The following ROR1 variants were observed in gnomAD, a reference collection of about 807,000 sequenced individuals.
ROR1 encodes inactive tyrosine-protein kinase transmembrane receptor ROR1.
In ROR1, 19 loss-of-function variants were observed where a neutral mutation model predicts 78.8. The observed-to-expected ratio is 0.24, with a 90% CI of 0.17 to 0.35. The LOEUF (loss-of-function observed/expected upper bound fraction) is 0.35, where lower values mean the gene tolerates loss of function less well. Ranked by LOEUF, ROR1 falls within the 10% of genes least tolerant of loss-of-function variation. The pLI is 1.00. For synonymous variants in ROR1, 386 were observed against 433.6 expected, an observed-to-expected ratio of 0.89 and a Z score of 1.36; for missense variants, 917 against 1,177.8, an observed-to-expected ratio of 0.78 and a Z score of 3.24.
At chr1:63,815,175 A>G (rs1279930369) in intron 1 of ROR1, among the ~76,000 whole-genome samples, 1 of 152,192 alleles carries the variant, frequency 6.6e-6, no homozygotes, top group Non-Finnish European at 1.5e-5. Flanking sequence ...CAACAGCCCT[A>G]GTTCCCCCAG....
intron 1 of ROR1, among the ~76,000 whole-genome samples, chr1:63,784,510 C>A (rs1343520663): frequency 6.6e-6 from 1 of 152,176 alleles, no homozygotes; most frequent in Non-Finnish European, 1.5e-5. Context: ...GGACCTGGCT[C>A]TGGGATTTCT....
intron 2 of ROR1, among the ~76,000 whole-genome samples, chr1:64,016,899 G>A (rs1323049827): frequency 7.9e-5 from 12 of 151,454 alleles, no homozygotes; most frequent in East Asian, 7.7e-4. Flanking sequence ...GTTAAAAGGC[G>A]AAAAACACAT....
chr1:64,142,522 C>G lies in ROR1; in HGVS notation c.1046C>G (p.Ala349Gly), dbSNP rs201706633. 6.0e-5 allele frequency: 97 copies of G among 1,614,074 alleles called. No homozygotes were observed. Among genetic ancestry groups the G allele is most frequent in the Non-Finnish European group, 7.5e-5 (89 of 1,180,032 alleles). Residue 349 changes from alanine (A) to glycine (G), a missense_variant, in exon 7 of 9, where the codon GCC becomes GGC. Ala to Gly is a moderately conservative substitution (Grantham distance 60). Around this residue, in one of 3 missense-constraint regions of ROR1, gnomAD observed 835 missense variants for 1,069.8 expected, o/e 0.78. Coordinates refer to ENST00000371079, the MANE Select transcript of ROR1 (RefSeq NM_005012.4). ...SQYPHTHTFT[A>G]LRFPELNGGH... ...TATCCCCACACACACACTTTCACCG[C>G]CCTTCGTTTCCCAGAGCTGAATGGA...
chr1:63,935,639 G>C (rs1319376653), intron 1 of ROR1, among the ~76,000 whole-genome samples: 1 of 152,174 alleles, frequency 6.6e-6, no homozygotes, highest in South Asian at 2.1e-4. Flanking sequence ...AGGAAACCAA[G>C]ACTATATTTA....
At chr1:63,854,409 G>T (rs957944855) in intron 1 of ROR1, among the ~76,000 whole-genome samples, 3 of 152,140 alleles carry the variant, frequency 2.0e-5, no homozygotes, top group Non-Finnish European at 4.4e-5. Context: ...TCCATGGTAG[G>T]TAGACTTTTC....
intron 1 of ROR1, among the ~76,000 whole-genome samples, chr1:63,909,454 C>G (rs1440737630): frequency 2.6e-5 from 4 of 152,180 alleles, no homozygotes; most frequent in Non-Finnish European, 5.9e-5. Flanking sequence ...TGAAGCCACT[C>G]TGTGCCTCTC....
chr1:64,007,963 T>A (rs1192131428), intron 1 of ROR1, among the ~76,000 whole-genome samples: 1 of 151,788 alleles, frequency 6.6e-6, no homozygotes, highest in Non-Finnish European at 1.5e-5. Flanking sequence ...GTTCTTTTTT[T>A]TTTTTTTTTG....
At chr1:63,991,099 T>TTTTTG (rs59788094) in intron 1 of ROR1, among the ~76,000 whole-genome samples, 1 of 150,768 alleles carries the variant, frequency 6.6e-6, no homozygotes, top group African/African-American at 2.4e-5. Context: ...GTTTGTTTGT[T>TTTTTG]TTTTGTTTTG....
At chr1:64,071,564 C>T (rs994533581) in intron 4 of ROR1, among the ~76,000 whole-genome samples, 40 of 151,878 alleles carry the variant, frequency 2.6e-4, no homozygotes, top group Non-Finnish European at 4.6e-4. Context: ...CACTCCCCCC[C>T]GCCCCACCAC....
chr1:64,133,854 G>T (rs947946792), intron 4 of ROR1, among the ~76,000 whole-genome samples: 3 of 152,222 alleles, frequency 2.0e-5, no homozygotes, highest in Non-Finnish European at 4.4e-5. Flanking sequence ...TGAAAGAAGT[G>T]TGAGCTGGAA....
intron 8 of ROR1, among the ~76,000 whole-genome samples, chr1:64,163,996 T>G (rs1422513739): frequency 1.3e-5 from 2 of 152,126 alleles, no homozygotes; most frequent in Non-Finnish European, 2.9e-5. Flanking sequence ...CCCCTTTAAT[T>G]TCTCTGGAGC....
chr1:64,107,427 A>G (rs1224770146), intron 4 of ROR1, among the ~76,000 whole-genome samples: 1 of 152,180 alleles, frequency 6.6e-6, no homozygotes, highest in African/African-American at 2.4e-5. Flanking sequence ...AAAAAGCTTT[A>G]TGTGCTTCAG....
chr1:64,114,232 G>A (rs1024450225), intron 4 of ROR1, among the ~76,000 whole-genome samples: 3 of 152,156 alleles, frequency 2.0e-5, no homozygotes, highest in Admixed American at 1.3e-4. Context: ...CCATCTCAAC[G>A]TGCAACATGA....
chr1:63,941,590 G>A (rs1645840866), intron 1 of ROR1, among the ~76,000 whole-genome samples: 1 of 152,164 alleles, frequency 6.6e-6, no homozygotes, highest in African/African-American at 2.4e-5. Context: ...CTTTCAAGTG[G>A]GGATAACATA....
intron 1 of ROR1, among the ~76,000 whole-genome samples, chr1:63,896,114 CA>C (rs991018369): frequency 2.0e-5 from 3 of 151,984 alleles, no homozygotes; most frequent in African/African-American, 7.2e-5. Flanking sequence ...CCTCCTTAAC[CA>C]AAAAAGCCAC....
intron 1 of ROR1, among the ~76,000 whole-genome samples, chr1:63,912,876 G>T (rs1344523903): frequency 6.6e-6 from 1 of 152,192 alleles, no homozygotes; most frequent in Non-Finnish European, 1.5e-5. Flanking sequence ...CTTTATCTTA[G>T]TTGGGATTAA....
intron 4 of ROR1, among the ~76,000 whole-genome samples, chr1:64,098,083 C>G (rs969181961): frequency 6.6e-6 from 1 of 152,150 alleles, no homozygotes; most frequent in Non-Finnish European, 1.5e-5. Context: ...ATTTCTGCCA[C>G]TCGACAGGAA....
intron 1 of ROR1, among the ~76,000 whole-genome samples, chr1:63,776,288 T>G (rs1644615914): frequency 6.6e-6 from 1 of 152,242 alleles, no homozygotes; most frequent in Non-Finnish European, 1.5e-5. Flanking sequence ...ACCCTTCTTA[T>G]CAGCAGCCAC....
At chr1:64,122,269 G>A (rs1281996354) in intron 4 of ROR1, among the ~76,000 whole-genome samples, 1 of 152,218 alleles carries the variant, frequency 6.6e-6, no homozygotes, top group Non-Finnish European at 1.5e-5. Flanking sequence ...TCATTAAAAT[G>A]TAACTATGTG....
Sources: allele counts gnomAD v4.1 joint callset (sites outside exome capture counted in the v4.1 genomes callset), GRCh38; gene constraint gnomAD v4.1.1; regional missense constraint gnomAD v4.1.1; transcripts MANE v1.5; gene names NCBI Gene and HGNC (gene_info 2026-07-23, HGNC 2026-07-21).